Variants in SPATA45 observed in about 807,000 individuals in gnomAD.
SPATA45 encodes the protein spermatogenesis-associated protein 45.
In SPATA45, 5 loss-of-function variants were observed where a neutral mutation model predicts 7.0. The observed-to-expected ratio is 0.71, with a 90% CI of 0.37 to 1.50. The LOEUF (loss-of-function observed/expected upper bound fraction) is 1.50. Ranked by LOEUF, SPATA45 falls within the 40% of genes most tolerant of loss-of-function variation. SPATA45 has a pLI of 0.03. For synonymous variants in SPATA45, 40 were observed against 38.7 expected, an observed-to-expected ratio of 1.03 and a Z score of -0.13; for missense variants, 111 against 114.9, an observed-to-expected ratio of 0.97 and a Z score of 0.16.
At chr1:212,837,548 G>A (rs964688114) in intron 1 of SPATA45, among the ~76,000 whole-genome samples, 2 of 151,658 alleles carry the variant, frequency 1.3e-5, no homozygotes, top group African/African-American at 2.4e-5. Context: ...CATGAGAGTC[G>A]CTTGAACCCG....
intron 1 of SPATA45, among the ~76,000 whole-genome samples, chr1:212,843,243 C>T (rs112843067): frequency 0.023 from 3,471 of 150,424 alleles, 67 homozygotes; most frequent in South Asian, 0.042. Context: ...TGAGCCAAGA[C>T]CGCACCATTG....
rs776964369 is a variant in SPATA45, at chr1:212,836,108, A to G, written c.42T>C (p.His14=). 7.5e-6 allele frequency: 12 copies of G among 1,606,180 alleles called. No homozygotes were observed. The highest frequency in any genetic ancestry group is 1.7e-4 in the Middle Eastern group (1 of 6,028). The part of the protein sequence containing the change: ...INRTIEIMKK[H]GVSKQHLLEE... ...CCAGGAGATGTTGTTTGCTTACTCC[A>G]TGTTTTTTCATTATTTCAATGGTTC... The change falls in exon 2 of 3, where the codon CAT becomes CAC. Residue 14 remains histidine, a synonymous_variant. Transcript: ENST00000332912.
rs949741613 is a variant in SPATA45, at chr1:212,840,865, G to A, written c.-38-4678C>T. ...GATCTCCTGACCTCTTGATCTGCCCGCCTTGGCCTCCCAAAGTGCTGGGAT... is the reference window on the plus strand; with the variant it reads ...GATCTCCTGACCTCTTGATCTGCCCACCTTGGCCTCCCAAAGTGCTGGGAT... On this transcript the variant is annotated intron_variant, in intron 1 of 2. Transcript: ENST00000332912. 2.6e-5 allele frequency among the ~76,000 whole-genome samples: 4 copies of A among 152,066 alleles called. No individual in the cohort carries two copies. The East Asian group carries it at 5.8e-4, about 22-fold the overall frequency.
intron 1 of SPATA45, among the ~76,000 whole-genome samples, chr1:212,846,597 C>T (rs530898900): frequency 2.0e-5 from 3 of 152,330 alleles, no homozygotes; most frequent in Admixed American, 2.0e-4. Flanking sequence ...TCTCCCCCCT[C>T]CACTTAAGAA....
At position 212,839,574 on chromosome 1, in the gene SPATA45, C is replaced by T. The variant is rs886505984; in HGVS notation, c.-38-3387G>A. Among the ~76,000 whole-genome samples, 9 of 146,450 alleles carry T rather than the reference C, an allele frequency of 6.1e-5. 1 individual carries two copies. In the Middle Eastern group the frequency reaches 0.014, roughly 223 times the overall value. On this transcript the variant is annotated intron_variant, in intron 1 of 2. Transcript: ENST00000332912. Reference sequence around the variant, plus strand: ...TGGAGGTTGCAGTGAGCCGTGATCACAAAACTGCACTCCAGCTTGGGCAAC... The same window carrying T: ...TGGAGGTTGCAGTGAGCCGTGATCATAAAACTGCACTCCAGCTTGGGCAAC...
chr1:212,843,100 T>TAA (rs1553260400), intron 1 of SPATA45, among the ~76,000 whole-genome samples: 1 of 121,930 alleles, frequency 8.2e-6, no homozygotes, highest in Non-Finnish European at 1.7e-5. Context: ...CCGTCAAACA[T>TAA]ACACACACAC....
In SPATA45 at chr1:212,836,002, G is replaced by A. The variant is rs377369887; in HGVS notation, c.148C>T (p.His50Tyr). 2.5e-6 allele frequency: 4 copies of A among 1,611,298 alleles called. 1 individual carries two copies. Among genetic ancestry groups the A allele is most frequent in the Non-Finnish European group, 3.4e-6 (4 of 1,178,002 alleles). The change falls in exon 2 of 3, where the codon CAC becomes TAC. Residue 50 changes from histidine (H) to tyrosine (Y), a missense_variant. Physicochemically the swap from His to Tyr is moderately conservative, Grantham distance 83. Coordinates refer to ENST00000332912, the MANE Select transcript of SPATA45 (RefSeq NM_001024601.3). ...AAGGACTGATAGGCATCCGGGAAGT[G>A]CCTCTTTTGAACTCTCAGTAAGCTG... is the stretch of plus-strand genomic sequence containing the variant. ...QVSLLRVQKRHFPDAYQSFTD... is the reference protein window; with the variant it reads ...QVSLLRVQKRYFPDAYQSFTD...
chr1:212,847,368 C>T (rs1663818625), intron 1 of SPATA45, among the ~76,000 whole-genome samples: 1 of 152,102 alleles, frequency 6.6e-6, no homozygotes, highest in South Asian at 2.1e-4. Flanking sequence ...TTTGCGCCAT[C>T]CATATTGCTT....
chr1:212,832,154 G>C (rs1663501264), intron 2 of SPATA45, among the ~76,000 whole-genome samples: 1 of 149,698 alleles, frequency 6.7e-6, no homozygotes, highest in African/African-American at 2.4e-5. Flanking sequence ...GAGTAGCTAG[G>C]ATTACAGGCA....
chr1:212,842,162 G>C (rs943790670), intron 1 of SPATA45, among the ~76,000 whole-genome samples: 3 of 151,630 alleles, frequency 2.0e-5, no homozygotes, highest in South Asian at 2.1e-4. Context: ...TGGATCACCT[G>C]ACGTCAGGGG....
rs375533640 is a variant in SPATA45 at position 212,835,994 on chromosome 1, C to T, written c.156G>A (p.Pro52=). Residue 52 remains proline (P), a synonymous_variant, in exon 2 of 3, where the codon CCG becomes CCA. Transcript: ENST00000332912. ...TATCAGTAAAGGACTGATAGGCATC[C>T]GGGAAGTGCCTCTTTTGAACTCTCA... The part of the protein sequence containing the change: ...SLLRVQKRHF[P]DAYQSFTDTT... 130 of 1,611,042 alleles carry T rather than the reference C, an allele frequency of 8.1e-5. 8 individuals are homozygous for T. Among genetic ancestry groups the T allele is most frequent in the Non-Finnish European group, 1.0e-4 (123 of 1,177,770 alleles).
At chr1:212,831,431 C>A (rs980796685) in intron 2 of SPATA45, among the ~76,000 whole-genome samples, 9 of 149,506 alleles carry the variant, frequency 6.0e-5, no homozygotes, top group Non-Finnish European at 1.3e-4. Flanking sequence ...TATGATCACA[C>A]CACTGCGCTC....
At chr1:212,832,002 G>T (rs6696870) in intron 2 of SPATA45, among the ~76,000 whole-genome samples, 90,946 of 139,798 alleles carry the variant, frequency 0.65, 30,524 homozygotes, top group Non-Finnish European at 0.68. Context: ...CTATCTGATC[G>T]GACATTTACT....
intron 1 of SPATA45, among the ~76,000 whole-genome samples, chr1:212,842,112 T>G (rs973940109): frequency 6.6e-6 from 1 of 151,318 alleles, no homozygotes; most frequent in Non-Finnish European, 1.5e-5. Context: ...GTGCGGTGGC[T>G]CATGCCTGTA....
chr1:212,844,619 C>G (rs759115868), intron 1 of SPATA45, among the ~76,000 whole-genome samples: 4 of 152,176 alleles, frequency 2.6e-5, no homozygotes, highest in Non-Finnish European at 5.9e-5. Context: ...GAGGCTACTG[C>G]TCTGCCCCCC....
Position 212,836,904 on chromosome 1 carries a change from G to T in SPATA45, c.-38-717C>A, listed in dbSNP as rs12087548. 7.5e-3 allele frequency among the ~76,000 whole-genome samples: 1,117 copies of T among 148,640 alleles called. 58 individuals are homozygous for T. The East Asian group carries it at 0.12, about 16-fold the overall frequency. On this transcript the variant is annotated intron_variant, in intron 1 of 2. Coordinates refer to ENST00000332912, the MANE Select transcript of SPATA45 (RefSeq NM_001024601.3). Reference sequence around the variant, plus strand: ...GAACTCCTGAAGTTGTGATCCACCCGCCTCGGCCTCCCAAAGTGCTGGGAT... The same window carrying T: ...GAACTCCTGAAGTTGTGATCCACCCTCCTCGGCCTCCCAAAGTGCTGGGAT...
intron 1 of SPATA45, 43 bp from the exon 2 acceptor site, chr1:212,836,230 C>A: frequency 7.2e-7 from 1 of 1,388,508 alleles, no homozygotes. Context: ...CTTTTTGACT[C>A]AGAAGCCAGT....
intron 2 of SPATA45, among the ~76,000 whole-genome samples, chr1:212,835,308 G>A (rs2102508978): frequency 6.6e-6 from 1 of 151,710 alleles, no homozygotes; most frequent in Non-Finnish European, 1.5e-5. Context: ...TGGATTACCT[G>A]ACGTTGGGAG....
intron 1 of SPATA45, among the ~76,000 whole-genome samples, chr1:212,836,557 C>T (rs1663589895): frequency 6.6e-6 from 1 of 151,766 alleles, no homozygotes; most frequent in East Asian, 1.9e-4. Flanking sequence ...TCTCGAACTC[C>T]TGTCCTCAGG....
Sources: gnomAD v4.1 joint callset for allele counts (sites outside exome capture counted in the v4.1 genomes callset) on GRCh38, gnomAD v4.1.1 for gene constraint, MANE v1.5 for transcripts, NCBI Gene and HGNC (gene_info 2026-07-23, HGNC 2026-07-21) for gene names.